Variants in NDUFA10 observed in about 807,000 individuals in gnomAD.
NDUFA10 encodes the protein NADH dehydrogenase [ubiquinone] 1 alpha subcomplex subunit 10, mitochondrial.
Under a neutral mutation model 47.8 loss-of-function variants are expected in NDUFA10, and 40 were observed. The ratio of observed to expected loss-of-function variants is 0.84; its 90% CI spans 0.65 to 1.09. NDUFA10 has a LOEUF of 1.09. NDUFA10 is among the 50% of genes least tolerant of loss of function. The pLI, the probability that NDUFA10 is intolerant of heterozygous loss-of-function variation, is 0.00. For synonymous variants in NDUFA10, 183 were observed against 172.2 expected (o/e 1.06, Z -0.49); for missense variants, 413 against 451.1 (o/e 0.92, Z 0.76).
In NDUFA10 at chr2:239,987,316, C is replaced by T. The variant is rs1006270297; in HGVS notation, c.999+2758G>A. On this transcript the variant is annotated intron_variant, in intron 9 of 9. Coordinates refer to ENST00000252711, the MANE Select transcript of NDUFA10 (RefSeq NM_004544.4). This position sits in a 1 kb window ranked among gnomAD's most constrained non-coding sequence, Gnocchi z 4.8. ...TTCAAGCCACGATTCTCAAACCAGG[C>T]GCTGTGCATCGACAGGAGGACTCGC... Among the ~76,000 whole-genome samples, 7 of 152,004 alleles carry T rather than the reference C, an allele frequency of 4.6e-5. No individual in the cohort carries two copies. The highest frequency in any genetic ancestry group is 1.5e-4 in the African/African-American group (6 of 41,374).
intron 9 of NDUFA10, among the ~76,000 whole-genome samples, chr2:239,969,240 T>C (rs569354411): frequency 6.6e-6 from 1 of 152,298 alleles, no homozygotes; most frequent in East Asian, 1.9e-4. Flanking sequence ...ATGTTCAGTA[T>C]GCTCTAAGAA....
chr2:239,944,919 G>T (rs1035822859), intron 4 of NDUFA10, among the ~76,000 whole-genome samples: 3 of 152,084 alleles, frequency 2.0e-5, no homozygotes, highest in Admixed American at 2.0e-4. Context: ...CACCCTAGGT[G>T]GGGGGCACAC....
Position 240,021,224 on chromosome 2 carries a change from C to T in NDUFA10, c.433G>A (p.Asp145Asn), listed in dbSNP as rs1446643937. 15 of 1,614,072 alleles carry T rather than the reference C, an allele frequency of 9.3e-6. No individual in the cohort carries two copies. Among genetic ancestry groups the T allele is most frequent in the Non-Finnish European group, 1.3e-5 (15 of 1,180,030 alleles). ...LYSSRLLQYS[D>N]ALEHLLTTGQ... ...GTGGTCAGCAAGTGCTCCAAGGCAT[C>T]TGAGTACTGCAGCAGGCGACTGCTG... Residue 145 changes from aspartate (D) to asparagine (N), a missense_variant, in exon 3 of 10, where the codon GAT (aspartate) becomes AAT (asparagine). Transcript: ENST00000252711.
chr2:240,004,043 G>A (rs543740069), intron 8 of NDUFA10, among the ~76,000 whole-genome samples: 3 of 152,270 alleles, frequency 2.0e-5, no homozygotes, highest in South Asian at 4.1e-4. Context: ...GACACTGCCC[G>A]GGGTCACTGT....
intron 9 of NDUFA10, among the ~76,000 whole-genome samples, chr2:239,978,562 A>C (rs1304744290): frequency 6.6e-6 from 1 of 152,216 alleles, no homozygotes; most frequent in Non-Finnish European, 1.5e-5. Flanking sequence ...AAGCCAGCCT[A>C]CACAGGACAC....
At position 240,017,266 on chromosome 2, in the gene NDUFA10, G is replaced by A. The variant is rs190753237; in HGVS notation, c.547+1287C>T. 1.5e-4 allele frequency among the ~76,000 whole-genome samples: 23 copies of A among 152,228 alleles called. No homozygotes were observed. The East Asian group carries it at 1.7e-3, about 12-fold the overall frequency. ...CTCGCCGAGGCGCAGCTCCTTCCTC[G>A]TGCAGCCTCATCCAGCATCATTCTC... On this transcript the variant is annotated intron_variant, in intron 4 of 9. Coordinates refer to ENST00000252711, the MANE Select transcript of NDUFA10 (RefSeq NM_004544.4).
intron 8 of NDUFA10, among the ~76,000 whole-genome samples, chr2:239,991,684 T>C (rs1397984755): frequency 6.6e-6 from 1 of 152,228 alleles, no homozygotes; most frequent in Non-Finnish European, 1.5e-5. Flanking sequence ...AGTACGTATC[T>C]TCTTACTGTT....
intron 8 of NDUFA10, among the ~76,000 whole-genome samples, chr2:239,998,292 G>C (rs1032312745): frequency 1.3e-5 from 2 of 152,112 alleles, no homozygotes; most frequent in Admixed American, 1.3e-4. Flanking sequence ...ACTCACATGC[G>C]ATTTTGTCTG....
chr2:240,009,079 C>T (rs969943135), intron 6 of NDUFA10, among the ~76,000 whole-genome samples: 1 of 152,136 alleles, frequency 6.6e-6, no homozygotes, highest in Non-Finnish European at 1.5e-5. Flanking sequence ...AGCTCAGGGC[C>T]GAGGAGAGCC....
At chr2:239,974,541 T>G (rs1229082673) in intron 9 of NDUFA10, among the ~76,000 whole-genome samples, 2 of 152,240 alleles carry the variant, frequency 1.3e-5, no homozygotes, top group Admixed American at 1.3e-4. Flanking sequence ...TAACTCACAG[T>G]GTCAGAGGTG....
intron 4 of NDUFA10, among the ~76,000 whole-genome samples, chr2:240,015,604 C>T (rs1574892475): frequency 6.6e-6 from 1 of 152,354 alleles, no homozygotes; most frequent in East Asian, 1.9e-4. Flanking sequence ...CTAAAGTGAT[C>T]ACTACACAGA....
chr2:239,902,502 T>C (rs1434947677), intron 4 of NDUFA10, among the ~76,000 whole-genome samples: 3 of 152,230 alleles, frequency 2.0e-5, no homozygotes, highest in East Asian at 1.9e-4. Context: ...AGTATAAATA[T>C]AGCTTTTATA....
intron 4 of NDUFA10, among the ~76,000 whole-genome samples, chr2:239,926,723 C>T (rs1694073226): frequency 2.0e-5 from 3 of 152,082 alleles, no homozygotes; most frequent in Admixed American, 6.5e-5. Flanking sequence ...TGCTACTGCT[C>T]CTGAAGACCT....
At chr2:239,957,368 A>T (rs1030780561), downstream of NDUFA10, 2 of 151,904 alleles carry the variant, frequency 1.3e-5, no homozygotes, top group Admixed American at 6.5e-5. Flanking sequence ...ATCACCAGGT[A>T]TAGTCTCATT....
At chr2:239,942,807 G>A (rs916482688) in intron 4 of NDUFA10, among the ~76,000 whole-genome samples, 1 of 152,086 alleles carries the variant, frequency 6.6e-6, no homozygotes, top group Non-Finnish European at 1.5e-5. Flanking sequence ...GTCCTCATAT[G>A]TTTTAACACA....
rs1697662669 is a variant in NDUFA10 at position 240,022,436 on chromosome 2, G to A, written c.76-96C>T. ...GGTAAAAATACCAAGAAACCTCTTA[G>A]TGATAAAAATGCCAACATCTACATC... On this transcript the variant is annotated intron_variant, in intron 1 of 9. Transcript: ENST00000252711. 3.2e-6 allele frequency: 5 copies of A among 1,549,944 alleles called. No individual in the cohort carries two copies. The South Asian group carries it at 5.8e-5, about 18-fold the overall frequency.
chr2:240,020,584 C>T (rs1015508183), intron 3 of NDUFA10, among the ~76,000 whole-genome samples: 1 of 152,186 alleles, frequency 6.6e-6, no homozygotes, highest in Non-Finnish European at 1.5e-5. Flanking sequence ...CCTCTCCTAA[C>T]TATACTTTCT....
At chr2:239,902,773 G>T (rs1389774991) in intron 4 of NDUFA10, among the ~76,000 whole-genome samples, 2 of 152,158 alleles carry the variant, frequency 1.3e-5, no homozygotes, top group African/African-American at 4.8e-5. Flanking sequence ...GTGGCAGGGT[G>T]GTTCCTGAGG....
intron 4 of NDUFA10, among the ~76,000 whole-genome samples, chr2:239,900,718 G>A (rs927512488): frequency 2.3e-4 from 35 of 152,320 alleles, no homozygotes; most frequent in African/African-American, 8.4e-4. Flanking sequence ...GGTCTGGCTA[G>A]AAGATCAAAC....
Sources: gnomAD v4.1 joint callset for allele counts (sites outside exome capture counted in the v4.1 genomes callset) on GRCh38, gnomAD v4.1.1 for gene constraint, Gnocchi (gnomAD v3.1) non-coding constraint, MANE v1.5 for transcripts, NCBI Gene and HGNC (gene_info 2026-07-23, HGNC 2026-07-21) for gene names.